PDIA3: variants seen among roughly 807,000 people sequenced by gnomAD.
The protein encoded by PDIA3 is protein disulfide-isomerase A3.
A neutral mutation model predicts 56.9 loss-of-function variants in PDIA3; 16 were observed. The ratio of observed to expected loss-of-function variants is 0.28; its 90% CI spans 0.19 to 0.43. The LOEUF (loss-of-function observed/expected upper bound fraction) is 0.43, where lower values mean the gene tolerates loss of function less well. PDIA3 is among the 20% of genes least tolerant of loss of function. The probability of loss-of-function intolerance (pLI) is 1.00; values close to 1 mark genes in which losing one functional copy is unlikely to be tolerated. For synonymous variants in PDIA3, 192 were observed against 216.5 expected (o/e 0.89, Z 0.99); for missense variants, 485 against 621.3 (o/e 0.78, Z 2.33).
At chr15:43,761,621 T>C in intron 4 of PDIA3, 90 bp downstream of exon 4, 1 of 710,106 alleles carries the variant, frequency 1.4e-6, no homozygotes, top group Non-Finnish European at 2.4e-6. Context: ...ATTAAAGCAG[T>C]TAAGGAAACC....
At chr15:43,747,172 T>C (rs2086712483) in intron 1 of PDIA3, 2 of 157,692 alleles carry the variant, frequency 1.3e-5, no homozygotes, top group Admixed American at 1.3e-4. Flanking sequence ...CATTGGTTTC[T>C]AGCCAAGGTC....
chr15:43,761,346 A>G (rs2086814800), intron 3 of PDIA3, 78 bp from the exon 4 acceptor site: 1 of 757,800 alleles, frequency 1.3e-6, no homozygotes, highest in South Asian at 1.7e-5. Flanking sequence ...TACCTTCTGA[A>G]TTGTGAATGA....
chr15:43,760,398 AAAT>A (rs201315613), intron 3 of PDIA3, among the ~76,000 whole-genome samples: 29 of 93,302 alleles, frequency 3.1e-4, no homozygotes, highest in Middle Eastern at 5.2e-3. Flanking sequence ...CTCAAAAAAA[AAAT>A]AAAGAAAAGA....
Position 43,769,761 on chromosome 15 carries a change from A to G in PDIA3, c.1266+115A>G, listed in dbSNP as rs186892403. On this transcript the variant is annotated intron_variant, in intron 10 of 12. Coordinates refer to ENST00000300289, the MANE Select transcript of PDIA3 (RefSeq NM_005313.5). ...TAAGTACTGATAGATTTTTTTCCCA[A>G]TTACTTGCTGTTTACTCACTTTCTC... 4.0e-5 allele frequency: 46 copies of G among 1,139,254 alleles called. No individual in the cohort carries two copies. The East Asian group carries it at 1.0e-3, about 25-fold the overall frequency. The allele number at this position is 1,139,254 out of a possible 1,614,324, so 70.6% of individuals were successfully genotyped here. A position where few individuals can be genotyped will look rare whatever the true frequency, so the allele number is the denominator to read the frequency against.
chr15:43,746,467 G>C lies in PDIA3; in HGVS notation c.-73G>C. 2 of 1,363,078 alleles carry C rather than the reference G, an allele frequency of 1.5e-6. No individual in the cohort carries two copies. The highest frequency in any genetic ancestry group is 1.9e-6 in the Non-Finnish European group (2 of 1,036,022). The allele number at this position is 1,363,078 out of a possible 1,614,324, so 84.4% of individuals were successfully genotyped here. On this transcript the variant is annotated 5_prime_UTR_variant, in exon 1 of 13. Coordinates refer to ENST00000300289, the MANE Select transcript of PDIA3 (RefSeq NM_005313.5). ...GCGCGAGCGCAAGCAGCGGGTTAGT[G>C]GTCGCGCGCCCGACCTCCGCAGTCC...
chr15:43,766,583 C>T, intron 7 of PDIA3, 145 bp from the exon 8 acceptor site: 1 of 655,988 alleles, frequency 1.5e-6, no homozygotes, highest in Non-Finnish European at 2.6e-6. Flanking sequence ...TGTGTCAGTG[C>T]CCAAGAGCTC....
chr15:43,761,324 T>C (rs1271921709), intron 3 of PDIA3, 100 bp from the exon 4 acceptor site: 6 of 582,546 alleles, frequency 1.0e-5, no homozygotes, highest in Non-Finnish European at 1.8e-5. Flanking sequence ...GATTTCATCT[T>C]ATACCCTTTT....
At position 43,772,864 on chromosome 15, in the gene PDIA3, AG is replaced by A; in HGVS notation, c.*1648del. Reference sequence around the variant, plus strand: ...CTTGAAAATGACTTGGCTGAACTAAAGGTAAAAAAGCCAAGCCTCTGTCACT... The same window carrying A: ...CTTGAAAATGACTTGGCTGAACTAAAGTAAAAAAGCCAAGCCTCTGTCACT... On this transcript the variant is annotated 3_prime_UTR_variant, in exon 13 of 13. Transcript: ENST00000300289. 2.9e-6 allele frequency: 1 copy of A among 340,386 alleles called. No individual in the cohort carries two copies. The highest frequency in any genetic ancestry group is 5.3e-6 in the Non-Finnish European group (1 of 190,082). 21.1% of individuals were successfully genotyped at this position (340,386 alleles called of 1,614,324 possible). A position where few individuals can be genotyped will look rare whatever the true frequency, so the allele number is the denominator to read the frequency against.
At chr15:43,748,910 A>G (rs2086725427) in intron 1 of PDIA3, among the ~76,000 whole-genome samples, 1 of 151,670 alleles carries the variant, frequency 6.6e-6, no homozygotes, top group African/African-American at 2.4e-5. Context: ...CTGGGATTAC[A>G]GGTGCCTGCC....
chr15:43,746,774 T>A (rs2086709105), intron 1 of PDIA3, 68 bp downstream of exon 1: 1 of 1,547,498 alleles, frequency 6.5e-7, no homozygotes, highest in Non-Finnish European at 8.9e-7. Context: ...CGCGGGGAAC[T>A]GTTGGGCCTA....
intron 1 of PDIA3, among the ~76,000 whole-genome samples, chr15:43,752,254 C>G (rs1056001080): frequency 6.6e-6 from 1 of 152,170 alleles, no homozygotes; most frequent in African/African-American, 2.4e-5. Context: ...AGCGTTAAAT[C>G]CTTAAAGACC....
At chr15:43,748,308 G>A (rs780376646) in intron 1 of PDIA3, among the ~76,000 whole-genome samples, 363 of 149,768 alleles carry the variant, frequency 2.4e-3, no homozygotes, top group Non-Finnish European at 4.3e-3. Flanking sequence ...AGAAACCCCC[G>A]TCTCTACTAA....
chr15:43,749,080 G>GT (rs1291740383), intron 1 of PDIA3, among the ~76,000 whole-genome samples: 84 of 150,706 alleles, frequency 5.6e-4, no homozygotes, highest in African/African-American at 1.8e-3. Flanking sequence ...CTGTTTTTTT[G>GT]TTTTTGTTTT....
chr15:43,772,118 A>G lies in PDIA3; in HGVS notation c.*900A>G, dbSNP rs2141659463. 6.5e-6 allele frequency: 1 copy of G among 153,302 alleles called. No individual in the cohort carries two copies. The highest frequency in any genetic ancestry group is 6.5e-5 in the Admixed American group (1 of 15,338). The allele number at this position is 153,302 out of a possible 1,614,324, so 9.5% of individuals were successfully genotyped here. A position where few individuals can be genotyped will look rare whatever the true frequency, so the allele number is the denominator to read the frequency against. ...CTTCAGTAGAACTGGGAAAGGCAGT[A>G]CCATTCCTAGTTATGAGTGAAGCAT... On this transcript the variant is annotated 3_prime_UTR_variant, in exon 13 of 13. Coordinates refer to ENST00000300289, the MANE Select transcript of PDIA3 (RefSeq NM_005313.5).
chr15:43,768,396 C>A, intron 8 of PDIA3, 93 bp from the exon 9 acceptor site: 2 of 915,802 alleles, frequency 2.2e-6, no homozygotes, highest in Non-Finnish European at 3.5e-6. Flanking sequence ...CCTTGAAAAG[C>A]TAAAATACAT....
Position 43,771,287 on chromosome 15 carries a change from T to C in PDIA3, c.*69T>C. 2.1e-6 allele frequency: 2 copies of C among 935,964 alleles called. No homozygotes were observed. The highest frequency in any genetic ancestry group is 1.4e-5 in the South Asian group (1 of 71,070). 58.0% of individuals were successfully genotyped at this position (935,964 alleles called of 1,614,324 possible). ...AGATGGGAAAACCATTGGGGAGGACTAGGACCCATATGGGAATTATTACCT... is the reference window on the plus strand; with the variant it reads ...AGATGGGAAAACCATTGGGGAGGACCAGGACCCATATGGGAATTATTACCT... On this transcript the variant is annotated 3_prime_UTR_variant, in exon 13 of 13. Coordinates refer to ENST00000300289, the MANE Select transcript of PDIA3 (RefSeq NM_005313.5).
chr15:43,770,633 A>G (rs2086875445), intron 12 of PDIA3, 53 bp downstream of exon 12: 1 of 1,096,702 alleles, frequency 9.1e-7, no homozygotes, highest in Non-Finnish European at 1.4e-6. Flanking sequence ...GTAAACACAC[A>G]ACCTTAAACA....
chr15:43,746,899 A>C (rs1596016093), intron 1 of PDIA3, 193 bp downstream of exon 1: 4 of 618,714 alleles, frequency 6.5e-6, no homozygotes, highest in African/African-American at 1.9e-5. Context: ...GATCGGCCCA[A>C]GGAAAACCCG....
chr15:43,764,210 C>G (rs1412598003), intron 5 of PDIA3, among the ~76,000 whole-genome samples: 2 of 152,078 alleles, frequency 1.3e-5, no homozygotes, highest in Non-Finnish European at 2.9e-5. Context: ...CAACCTCCCA[C>G]GTAAATGGGT....
Sources: allele counts gnomAD v4.1 joint callset (sites outside exome capture counted in the v4.1 genomes callset), GRCh38; gene constraint gnomAD v4.1.1; transcripts MANE v1.5; gene names NCBI Gene and HGNC (gene_info 2026-07-23, HGNC 2026-07-21).